Variants in TRAF3 observed in about 807,000 individuals in gnomAD.
The protein encoded by TRAF3 is TNF receptor associated factor 3.
A neutral mutation model predicts 62.3 loss-of-function variants in TRAF3; 13 were observed. That is an observed-to-expected ratio of 0.21 (90% CI 0.14 to 0.33). The LOEUF is 0.33. Ranked by LOEUF, TRAF3 falls within the 10% of genes least tolerant of loss-of-function variation. The pLI is 1.00. For synonymous variants in TRAF3, 269 were observed against 283.4 expected (o/e 0.95, Z 0.51); for missense variants, 440 against 741.8 (o/e 0.59, Z 4.73).
intron 2 of TRAF3, among the ~76,000 whole-genome samples, chr14:102,856,991 C>T (rs1013693345): frequency 1.3e-5 from 2 of 152,184 alleles, no homozygotes; most frequent in Non-Finnish European, 2.9e-5. Context: ...TCCTGCATTC[C>T]TACACAAAGA....
At chr14:102,798,040 G>A (rs2139444116) in intron 1 of TRAF3, among the ~76,000 whole-genome samples, 1 of 152,124 alleles carries the variant, frequency 6.6e-6, no homozygotes, top group South Asian at 2.1e-4. Context: ...CCCAGCCTAG[G>A]CACTCGTATT....
At chr14:102,865,496 A>AT (rs1253812868) in intron 2 of TRAF3, among the ~76,000 whole-genome samples, 58 of 147,748 alleles carry the variant, frequency 3.9e-4, no homozygotes, top group Non-Finnish European at 7.0e-4. Flanking sequence ...AGTTAATCTG[A>AT]ATTTTTTTTT....
At chr14:102,883,895 G>T (rs1014473866) in intron 6 of TRAF3, among the ~76,000 whole-genome samples, 3 of 152,138 alleles carry the variant, frequency 2.0e-5, no homozygotes, top group African/African-American at 7.2e-5. Flanking sequence ...TCACACATGT[G>T]TGCACATATA....
rs141833462 is a variant in TRAF3 at position 102,900,528 on chromosome 14, G to A, written c.961-2727G>A. Among the ~76,000 whole-genome samples the A allele has an allele frequency of 8.1e-4, 124 of 152,306 alleles. 1 individual carries two copies. The East Asian group carries it at 0.02, about 25-fold the overall frequency. ...AAAAAAAAGAAGATAGCATAGGTGC[G>A]AGCATGACCCAGGCTTCTGGTGTCA... On this transcript the variant is annotated intron_variant, in intron 10 of 11. Transcript: ENST00000392745.
intron 10 of TRAF3, among the ~76,000 whole-genome samples, chr14:102,900,174 G>A (rs376514572): frequency 2.3e-3 from 209 of 90,618 alleles, no homozygotes; most frequent in African/African-American, 0.015. Flanking sequence ...GCAAGACTCC[G>A]TCTCGGAAAA....
In TRAF3 at chr14:102,884,157, G is replaced by T. The variant is rs55774937; in HGVS notation, c.571-2032G>T. On this transcript the variant is annotated intron_variant, in intron 6 of 11. Coordinates refer to ENST00000392745, the MANE Select transcript of TRAF3 (RefSeq NM_145725.3). Reference sequence around the variant, plus strand: ...TGACAACTGTAGGGAAGGCTTCCCTGCCCCTCTCAGTTTCTGGAGCCACCA... The same window carrying T: ...TGACAACTGTAGGGAAGGCTTCCCTTCCCCTCTCAGTTTCTGGAGCCACCA... Among the ~76,000 whole-genome samples, 1,216 of 152,278 alleles carry T rather than the reference G, an allele frequency of 8.0e-3. 18 individuals carry two copies. Among genetic ancestry groups the T allele is most frequent in the African/African-American group, 0.027 (1,135 of 41,552 alleles).
intron 1 of TRAF3, among the ~76,000 whole-genome samples, chr14:102,795,938 C>T (rs78592775): frequency 0.026 from 4,017 of 152,162 alleles, 156 homozygotes; most frequent in African/African-American, 0.089. Context: ...AAGGACAGGC[C>T]GGGCATGGTT....
rs55854121 is a variant in TRAF3, at chr14:102,837,149, T to C, written c.-18+6677T>C. On this transcript the variant is annotated intron_variant, in intron 2 of 11. Transcript: ENST00000392745. Reference sequence around the variant, plus strand: ...GTGTGTGTGTGTGTGTGTGTTTTTTTTGGGGGGGGGTGAAGGTCTTGCTCT... The same window carrying C: ...GTGTGTGTGTGTGTGTGTGTTTTTTCTGGGGGGGGGTGAAGGTCTTGCTCT... Among the ~76,000 whole-genome samples, 1,107 of 137,102 alleles carry C rather than the reference T, an allele frequency of 8.1e-3. 6 individuals are homozygous for C. The highest frequency in any genetic ancestry group is 0.014 in the Non-Finnish European group (867 of 60,040). The allele number at this position is 137,102 out of a possible 152,430, so 89.9% of individuals were successfully genotyped here.
chr14:102,829,270 G>A (rs1317859576), intron 1 of TRAF3, among the ~76,000 whole-genome samples: 1 of 152,206 alleles, frequency 6.6e-6, no homozygotes, highest in Non-Finnish European at 1.5e-5. Flanking sequence ...TTCTGGCATT[G>A]GAAGTGAGCT....
At chr14:102,802,154 A>ATTT (rs1202677524) in intron 1 of TRAF3, among the ~76,000 whole-genome samples, 3 of 81,042 alleles carry the variant, frequency 3.7e-5, no homozygotes, top group African/African-American at 8.4e-5. Flanking sequence ...ACCTGGACTC[A>ATTT]TTTTTTTTTT....
chr14:102,786,963 C>A (rs1291752655), intron 1 of TRAF3, among the ~76,000 whole-genome samples: 3 of 152,142 alleles, frequency 2.0e-5, no homozygotes, highest in Admixed American at 1.3e-4. Flanking sequence ...CACCATACTT[C>A]CGCACTTTAG....
intron 1 of TRAF3, among the ~76,000 whole-genome samples, chr14:102,821,818 C>A (rs1332415136): frequency 6.6e-6 from 1 of 152,080 alleles, no homozygotes; most frequent in Admixed American, 6.5e-5. Context: ...CCGAGGCAGG[C>A]AGATCATGAG....
intron 4 of TRAF3, among the ~76,000 whole-genome samples, chr14:102,872,635 A>G (rs1217294547): frequency 6.6e-6 from 1 of 152,068 alleles, no homozygotes; most frequent in Non-Finnish European, 1.5e-5. Flanking sequence ...GTACCCTGCC[A>G]GGTATACTTG....
chr14:102,845,877 G>A (rs937378386), intron 2 of TRAF3, among the ~76,000 whole-genome samples: 1 of 151,164 alleles, frequency 6.6e-6, no homozygotes, highest in African/African-American at 2.4e-5. Context: ...CTACTGGGGA[G>A]GCTGAGGTGG....
chr14:102,876,957 C>G (rs1888704063), intron 6 of TRAF3, among the ~76,000 whole-genome samples: 1 of 150,514 alleles, frequency 6.6e-6, no homozygotes, highest in Non-Finnish European at 1.5e-5. Context: ...CCGCTCAATT[C>G]ATAGATAATC....
intron 1 of TRAF3, among the ~76,000 whole-genome samples, chr14:102,799,710 C>G (rs1898282853): frequency 6.6e-6 from 1 of 152,212 alleles, no homozygotes; most frequent in South Asian, 2.1e-4. Flanking sequence ...CTTGGCATCT[C>G]AAGTGCTGGA....
chr14:102,832,531 G>C (rs189022110), intron 2 of TRAF3, among the ~76,000 whole-genome samples: 2 of 152,052 alleles, frequency 1.3e-5, no homozygotes, highest in Non-Finnish European at 2.9e-5. Context: ...AATATGAGCC[G>C]GGCATGGTGG....
chr14:102,885,513 G>A (rs1256265532), intron 6 of TRAF3, among the ~76,000 whole-genome samples: 1 of 152,212 alleles, frequency 6.6e-6, no homozygotes, highest in African/African-American at 2.4e-5. Flanking sequence ...CTCATGGACA[G>A]GCACCCAGCA....
At chr14:102,833,766 G>A (rs937445026) in intron 2 of TRAF3, among the ~76,000 whole-genome samples, 3 of 152,212 alleles carry the variant, frequency 2.0e-5, no homozygotes, top group East Asian at 3.9e-4. Flanking sequence ...AGGTCGAGGC[G>A]GGTGGATCAC....
Sources: gnomAD v4.1 joint callset for allele counts (sites outside exome capture counted in the v4.1 genomes callset) on GRCh38, gnomAD v4.1.1 for gene constraint, MANE v1.5 for transcripts, NCBI Gene and HGNC (gene_info 2026-07-23, HGNC 2026-07-21) for gene names.